Variants in SLC22A12 observed in about 807,000 individuals in gnomAD.
SLC22A12 encodes the protein solute carrier family 22 member 12.
In SLC22A12, 56 loss-of-function variants were observed where a neutral mutation model predicts 52.7. That is an observed-to-expected ratio of 1.06 (90% confidence interval 0.86 to 1.33). The LOEUF is 1.33. Among genes scored for constraint, SLC22A12 ranks in the 40% most tolerant of loss-of-function variants. SLC22A12 has a pLI of 0.00. For synonymous variants in SLC22A12, 337 were observed against 324.6 expected, an observed-to-expected ratio of 1.04 and a Z score of -0.41; for missense variants, 683 against 741.5, an observed-to-expected ratio of 0.92 and a Z score of 0.92.
chr11:64,598,468 C>A (rs576310546), intron 4 of SLC22A12, 48 bp from the exon 5 acceptor site: 5 of 1,550,298 alleles, frequency 3.2e-6, no homozygotes, highest in African/African-American at 2.7e-5. Flanking sequence ...GCAGGCCAGG[C>A]ACTGGGGGCC....
At chr11:64,596,282 G>GGATGGATC (rs2039232250) in intron 4 of SLC22A12, among the ~76,000 whole-genome samples, 3 of 59,408 alleles carry the variant, frequency 5.0e-5, no homozygotes, top group Non-Finnish European at 1.7e-4. Flanking sequence ...ATGGATGGAT[G>GGATGGATC]GATGGATGGC....
intron 6 of SLC22A12, among the ~76,000 whole-genome samples, 194 bp from the exon 7 acceptor site, chr11:64,599,482 T>C: frequency 6.6e-6 from 1 of 152,076 alleles, no homozygotes; most frequent in Non-Finnish European, 1.5e-5. Context: ...AGGGAAGCCA[T>C]GCTGGCAAGG....
chr11:64,591,347 G>T lies in SLC22A12; in HGVS notation c.-210G>T. ...TCGGAATCACCTCACGCGGCCTCAG[G>T]GCCCAGTTGGAGCCACCCCAAGTGA... is the stretch of plus-strand genomic sequence containing the variant. On this transcript the variant is annotated 5_prime_UTR_variant, in exon 1 of 10. Transcript: ENST00000377574. The T allele has an allele frequency of 1.6e-6, 1 of 640,038 alleles. No individual in the cohort carries two copies. Among genetic ancestry groups the T allele is most frequent in the Non-Finnish European group, 2.7e-6 (1 of 376,224 alleles). The allele number at this position is 640,038 out of a possible 1,614,324, so 39.6% of individuals were successfully genotyped here.
rs1465348289 is a variant in SLC22A12 at position 64,593,631 on chromosome 11, G to A, written c.662-4G>A. On this transcript the variant is annotated splice_polypyrimidine_tract_variant and splice_region_variant and intron_variant, in intron 3 of 9. Coordinates refer to ENST00000377574, the MANE Select transcript of SLC22A12 (RefSeq NM_144585.4). Reference sequence around the variant, plus strand: ...CAGGGCTGAACCACTCGGTCTCCTTGCAGTGATGGAGTGGACGGCGGCACG... The same window carrying A: ...CAGGGCTGAACCACTCGGTCTCCTTACAGTGATGGAGTGGACGGCGGCACG... 6.2e-7 allele frequency: 1 copy of A among 1,614,190 alleles called. No individual in the cohort carries two copies. Among genetic ancestry groups the A allele is most frequent in the East Asian group, 2.2e-5 (1 of 44,890 alleles).
At chr11:64,599,634 C>CCCCA (rs764869721) in intron 6 of SLC22A12, 42 bp from the exon 7 acceptor site, 51 of 233,680 alleles carry the variant, frequency 2.2e-4, no homozygotes, top group African/African-American at 1.6e-3. Context: ...CACCCCCCCC[C>CCCCA]ACCCCCCACC....
chr11:64,595,350 AATGGATGGATGG>A lies in SLC22A12; in HGVS notation c.830+1581_830+1592del, dbSNP rs796558193. The stretch of plus-strand genomic sequence containing the variant: ...GGATGGATGGTTGAATGGATGGTTG[AATGGATGGATGG>A]ATGGATGGATGGATGGATGGATGGA... On this transcript the variant is annotated intron_variant, in intron 4 of 9. Transcript: ENST00000377574. Among the ~76,000 whole-genome samples, 156 of 58,080 alleles carry A rather than the reference AATGGATGGATGG, an allele frequency of 2.7e-3. 6 individuals carry two copies. Among genetic ancestry groups the A allele is most frequent in the African/African-American group, 8.3e-3 (99 of 11,992 alleles). 38.1% of individuals were successfully genotyped at this position (58,080 alleles called of 152,430 possible). A position where few individuals can be genotyped will look rare whatever the true frequency, so the allele number is the denominator to read the frequency against.
At position 64,599,678 on chromosome 11, in the gene SLC22A12, T is replaced by C. The variant is rs1288461889; in HGVS notation, c.1073T>C (p.Phe358Ser). The C allele has an allele frequency of 2.2e-6, 3 of 1,356,062 alleles. No homozygotes were observed. Among genetic ancestry groups the C allele is most frequent in the Non-Finnish European group, 2.9e-6 (3 of 1,024,772 alleles). 84.0% of individuals were successfully genotyped at this position (1,356,062 alleles called of 1,614,324 possible). The change falls in exon 7 of 10, where the codon TTC becomes TCC. Residue 358 changes from phenylalanine to serine, a missense_variant and splice_region_variant. Transcript: ENST00000377574. The stretch of plus-strand genomic sequence containing the variant: ...GACTTCCCTGACCCCTGCCCCAGGT[T>C]CGCCTTTGGCTTCACCTTCTTCGGC... Reference protein sequence around the residue: ...FRTCISTLCWFAFGFTFFGLA... With the variant: ...FRTCISTLCWSAFGFTFFGLA...
At chr11:64,595,022 G>GATGT (rs2039072066) in intron 4 of SLC22A12, among the ~76,000 whole-genome samples, 1 of 44,034 alleles carries the variant, frequency 2.3e-5, no homozygotes, top group Admixed American at 2.9e-4. Flanking sequence ...TGGATGGATG[G>GATGT]TTGGAATAGA....
chr11:64,591,798 C>G lies in SLC22A12; in HGVS notation c.242C>G (p.Pro81Arg), dbSNP rs1281544337. Residue 81 changes from proline (P) to arginine (R), a missense_variant, in exon 1 of 10, where the codon CCC becomes CGC. Coordinates refer to ENST00000377574, the MANE Select transcript of SLC22A12 (RefSeq NM_144585.4). The stretch of plus-strand genomic sequence containing the variant: ...CTGGCTATTTCCATCCCGCCGGGCC[C>G]CAACCAGAGGCCCCACCAGTGCCGC... ...ALLAISIPPG[P>R]NQRPHQCRRF... The G allele has an allele frequency of 6.2e-7, 1 of 1,612,542 alleles. No homozygotes were observed. Among genetic ancestry groups the G allele is most frequent in the Non-Finnish European group, 8.5e-7 (1 of 1,179,990 alleles).
Position 64,593,400 on chromosome 11 carries a change from C to T in SLC22A12, c.507-5C>T. 3.1e-6 allele frequency: 5 copies of T among 1,614,090 alleles called. No individual in the cohort carries two copies. The highest frequency in any genetic ancestry group is 1.3e-5 in the African/African-American group (1 of 75,076). On this transcript the variant is annotated splice_polypyrimidine_tract_variant and splice_region_variant and intron_variant, in intron 2 of 9. Transcript: ENST00000377574. The stretch of plus-strand genomic sequence containing the variant: ...GACCCTGCCTCTTCCTGGTTTGTGC[C>T]GCAGGTTTGGGCGCAGGCTGGTGCT...
In SLC22A12 at chr11:64,602,065, C is replaced by A. The variant is rs890657831; in HGVS notation, c.*514C>A. Reference sequence around the variant, plus strand: ...TGTCCCTCCAGGCCTCAGCCACCTGCCCGCCACATCCTCTGCCTGCTGTCC... The same window carrying A: ...TGTCCCTCCAGGCCTCAGCCACCTGACCGCCACATCCTCTGCCTGCTGTCC... On this transcript the variant is annotated 3_prime_UTR_variant, in exon 10 of 10. Coordinates refer to ENST00000377574, the MANE Select transcript of SLC22A12 (RefSeq NM_144585.4). 3.8e-5 allele frequency: 8 copies of A among 208,456 alleles called. No individual in the cohort carries two copies. Among genetic ancestry groups the A allele is most frequent in the African/African-American group, 1.8e-4 (8 of 43,372 alleles). 12.9% of individuals were successfully genotyped at this position (208,456 alleles called of 1,614,324 possible).
chr11:64,591,987 C>A, intron 1 of SLC22A12, 29 bp downstream of exon 1: 1 of 1,605,194 alleles, frequency 6.2e-7, no homozygotes, highest in East Asian at 2.2e-5. Flanking sequence ...CCACTCGAGT[C>A]CCACCACCTT....
intron 4 of SLC22A12, among the ~76,000 whole-genome samples, chr11:64,595,350 AAT>A (rs2039121069): frequency 5.2e-5 from 3 of 57,992 alleles, no homozygotes; most frequent in African/African-American, 2.5e-4. Flanking sequence ...TGGATGGTTG[AAT>A]GGATGGATGG....
intron 9 of SLC22A12, among the ~76,000 whole-genome samples, 185 bp from the exon 10 acceptor site, chr11:64,601,303 A>G (rs1471531179): frequency 6.6e-6 from 1 of 152,084 alleles, no homozygotes; most frequent in Non-Finnish European, 1.5e-5. Context: ...CTACCTCTAA[A>G]GCCCTGATGG....
chr11:64,598,190 G>A (rs1021819714), intron 4 of SLC22A12, among the ~76,000 whole-genome samples: 8 of 152,056 alleles, frequency 5.3e-5, no homozygotes, highest in African/African-American at 1.4e-4. Context: ...CGGGTTCCTA[G>A]CGAGGCAGGG....
At chr11:64,592,098 C>T (rs1369614468) in intron 1 of SLC22A12, 140 bp downstream of exon 1, 45 of 1,362,828 alleles carry the variant, frequency 3.3e-5, no homozygotes, top group Non-Finnish European at 4.3e-5. Context: ...CTCAGCCCCT[C>T]GTCAGCCACA....
chr11:64,601,811 G>C lies in SLC22A12; in HGVS notation c.*260G>C, dbSNP rs888147463. The C allele has an allele frequency of 8.5e-6, 4 of 468,866 alleles. No homozygotes were observed. Among genetic ancestry groups the C allele is most frequent in the African/African-American group, 2.1e-5 (1 of 46,800 alleles). The allele number at this position is 468,866 out of a possible 1,614,324, so 29.0% of individuals were successfully genotyped here. ...TGCACCATCACCCTGCCCTGCCCTC[G>C]TGGCTTCGGAGAGCAGAGGGGTCAG... On this transcript the variant is annotated 3_prime_UTR_variant, in exon 10 of 10. Transcript: ENST00000377574.
intron 4 of SLC22A12, 114 bp from the exon 5 acceptor site, chr11:64,598,402 C>A: frequency 1.4e-6 from 2 of 1,467,168 alleles, no homozygotes; most frequent in Non-Finnish European, 1.9e-6. Flanking sequence ...GGGTCCTCAG[C>A]CGCCCTAAGC....
intron 4 of SLC22A12, among the ~76,000 whole-genome samples, chr11:64,596,140 GA>G: frequency 6.6e-6 from 1 of 151,476 alleles, no homozygotes; most frequent in African/African-American, 2.4e-5. Flanking sequence ...GGATGGATGG[GA>G]TGGATGGATG....
Sources: gnomAD v4.1 joint callset for allele counts (sites outside exome capture counted in the v4.1 genomes callset) on GRCh38, gnomAD v4.1.1 for gene constraint, MANE v1.5 for transcripts, NCBI Gene and HGNC (gene_info 2026-07-23, HGNC 2026-07-21) for gene names.